Variants in HMCN1 observed in about 807,000 individuals in gnomAD.
HMCN1 encodes the protein hemicentin 1.
In HMCN1, 321 loss-of-function variants were observed where a neutral mutation model predicts 625.9. The ratio of observed to expected loss-of-function variants is 0.51; its 90% CI spans 0.47 to 0.56. The LOEUF is 0.56. HMCN1 is among the 20% of genes least tolerant of loss of function. HMCN1 has a pLI of 0.00. For missense variants in HMCN1, 6,588 were observed against 6,887.3 expected (o/e 0.96, Z 1.54); for synonymous variants, 2,425 against 2,417.6 (o/e 1.00, Z -0.09).
At chr1:185,885,385 T>C (rs1664581592) in intron 4 of HMCN1, among the ~76,000 whole-genome samples, 1 of 151,994 alleles carries the variant, frequency 6.6e-6, no homozygotes, top group Non-Finnish European at 1.5e-5. Context: ...TTTATGTCCA[T>C]TGAGTGTTAT....
At chr1:185,768,198 A>G (rs1655994617) in intron 1 of HMCN1, among the ~76,000 whole-genome samples, 2 of 152,300 alleles carry the variant, frequency 1.3e-5, no homozygotes, top group South Asian at 2.1e-4. Flanking sequence ...AAAACTTACA[A>G]TTGGTATAAC....
intron 80 of HMCN1, among the ~76,000 whole-genome samples, chr1:186,121,567 C>T (rs1053684548): frequency 4.3e-4 from 66 of 151,990 alleles, no homozygotes; most frequent in African/African-American, 1.5e-3. Context: ...GATGATAGTG[C>T]CATGTTGGAA....
chr1:186,071,125 G>T (rs1658455840), intron 52 of HMCN1, among the ~76,000 whole-genome samples: 1 of 152,062 alleles, frequency 6.6e-6, no homozygotes, highest in Admixed American at 6.6e-5. Flanking sequence ...TTGTTATTTT[G>T]CAGTTTTACA....
rs769544682 is a variant in HMCN1, at chr1:186,001,615, C to G, written c.4222C>G (p.Gln1408Glu). 1.9e-6 allele frequency: 3 copies of G among 1,613,124 alleles called. No homozygotes were observed. The highest frequency in any genetic ancestry group is 2.5e-6 in the Non-Finnish European group (3 of 1,179,356). Reference sequence around the variant, plus strand: ...AAAGGTGACTGAAAGCAGCACTATTCAGACTGTGAACAATGGGAAGATACT... The same window carrying G: ...AAAGGTGACTGAAAGCAGCACTATTGAGACTGTGAACAATGGGAAGATACT... Reference protein sequence around the residue: ...NVQVTESSTIQTVNNGKILKL... With the variant: ...NVQVTESSTIETVNNGKILKL... Residue 1408 changes from glutamine to glutamate, a missense_variant, in exon 28 of 107, where the codon CAG (glutamine) becomes GAG (glutamate). Transcript: ENST00000271588.
chr1:185,938,527 G>A lies in HMCN1; in HGVS notation c.1828+4703G>A, dbSNP rs372762501. 6.6e-5 allele frequency among the ~76,000 whole-genome samples: 10 copies of A among 152,082 alleles called. No individual in the cohort carries two copies. The South Asian group carries it at 1.9e-3, about 29-fold the overall frequency. On this transcript the variant is annotated intron_variant, in intron 11 of 106. Transcript: ENST00000271588. ...TATCTTGGTGGGAAGCAGAAAACAA[G>A]TGAGGTCAGATAATTCATTTTCCTT...
In HMCN1 at chr1:186,152,744, T is replaced by A. The variant is rs1420095214; in HGVS notation, c.14897-6T>A. 5.0e-6 allele frequency: 8 copies of A among 1,613,620 alleles called. No homozygotes were observed. The highest frequency in any genetic ancestry group is 6.8e-6 in the Non-Finnish European group (8 of 1,179,670). ...GCTGTCAAAATGAATGTCTTGTAATTCCCAGGAGAAATCTTGCAGATGAGT... is the reference window on the plus strand; with the variant it reads ...GCTGTCAAAATGAATGTCTTGTAATACCCAGGAGAAATCTTGCAGATGAGT... On this transcript the variant is annotated splice_polypyrimidine_tract_variant and splice_region_variant and intron_variant, in intron 95 of 106. Transcript: ENST00000271588.
chr1:186,012,521 A>G (rs1385328757), intron 30 of HMCN1, among the ~76,000 whole-genome samples: 2 of 152,166 alleles, frequency 1.3e-5, no homozygotes, highest in African/African-American at 4.8e-5. Flanking sequence ...GTCTTAAAAA[A>G]AAATTTACTA....
intron 1 of HMCN1, among the ~76,000 whole-genome samples, chr1:185,781,485 A>G (rs904885084): frequency 3.9e-5 from 6 of 152,138 alleles, no homozygotes; most frequent in African/African-American, 1.4e-4. Context: ...GTGGGCATTT[A>G]GTGGTACGAA....
chr1:186,188,850 A>G (rs969785666), intron 106 of HMCN1, among the ~76,000 whole-genome samples: 1 of 152,162 alleles, frequency 6.6e-6, no homozygotes, highest in East Asian at 1.9e-4. Flanking sequence ...TAAAAATACT[A>G]TTACTGAAGA....
intron 1 of HMCN1, among the ~76,000 whole-genome samples, chr1:185,738,565 A>G (rs921483448): frequency 6.6e-6 from 1 of 152,186 alleles, no homozygotes; most frequent in Non-Finnish European, 1.5e-5. Flanking sequence ...TTAGTCCATG[A>G]TGGATATACC....
intron 78 of HMCN1, 72 bp downstream of exon 78, chr1:186,119,370 A>T (rs1661286870): frequency 1.9e-6 from 2 of 1,078,754 alleles, no homozygotes; most frequent in South Asian, 1.2e-5. Flanking sequence ...TTATTCTGAA[A>T]GGTGGTAGGT....
At chr1:186,122,012 A>G (rs977906512) in intron 80 of HMCN1, among the ~76,000 whole-genome samples, 2 of 152,236 alleles carry the variant, frequency 1.3e-5, no homozygotes, top group African/African-American at 4.8e-5. Context: ...GGTTTCAGCA[A>G]CACAGAGGTC....
rs1166988584 is a variant in HMCN1, at chr1:186,037,945, C to T, written c.5761C>T (p.Leu1921=). 3 of 1,607,214 alleles carry T rather than the reference C, an allele frequency of 1.9e-6. No homozygotes were observed. The East Asian group carries it at 6.7e-5, about 36-fold the overall frequency. The change falls in exon 37 of 107, where the codon CTG becomes TTG. Residue 1921 remains leucine, a synonymous_variant. Coordinates refer to ENST00000271588, the MANE Select transcript of HMCN1 (RefSeq NM_031935.3). ...IQLHVHEPPS[L]EDAGKMLNET... is the part of the protein sequence containing the mutation. ...TGGGCCTCTTGTAGAACCACCTAGT[C>T]TGGAAGATGCTGGAAAAATGCTGAA...
At chr1:186,169,566 T>C (rs1652092669) in intron 100 of HMCN1, among the ~76,000 whole-genome samples, 1 of 151,636 alleles carries the variant, frequency 6.6e-6, no homozygotes, top group Admixed American at 6.6e-5. Flanking sequence ...TTGACAAACC[T>C]GACACAAGCA....
At chr1:185,848,913 A>G (rs1661998846) in intron 2 of HMCN1, among the ~76,000 whole-genome samples, 1 of 152,146 alleles carries the variant, frequency 6.6e-6, no homozygotes, top group Non-Finnish European at 1.5e-5. Flanking sequence ...AGTCTAAACA[A>G]ATGCAGAAAA....
chr1:186,129,153 G>A (rs1325245066), intron 83 of HMCN1, among the ~76,000 whole-genome samples: 3 of 151,106 alleles, frequency 2.0e-5, no homozygotes, highest in African/African-American at 4.9e-5. Context: ...TAATGTAAAT[G>A]TACTTTTAAA....
Position 186,070,044 on chromosome 1 carries a change from C to T in HMCN1, c.7993+268C>T, listed in dbSNP as rs74136007. Reference sequence around the variant, plus strand: ...TCCTTAAGTTTCTCTGTTTTTCCTTCTGAATTACCCTCTGGGTTGAGATGT... The same window carrying T: ...TCCTTAAGTTTCTCTGTTTTTCCTTTTGAATTACCCTCTGGGTTGAGATGT... On this transcript the variant is annotated intron_variant, in intron 51 of 106. Coordinates refer to ENST00000271588, the MANE Select transcript of HMCN1 (RefSeq NM_031935.3). Among the ~76,000 whole-genome samples, 910 of 152,270 alleles carry T rather than the reference C, an allele frequency of 6.0e-3. 12 individuals carry two copies. The highest frequency in any genetic ancestry group is 0.02 in the African/African-American group (811 of 41,560).
intron 19 of HMCN1, 150 bp from the exon 20 acceptor site, chr1:185,987,282 C>G (rs995674958): frequency 2.9e-6 from 2 of 682,956 alleles, no homozygotes; most frequent in African/African-American, 3.5e-5. Flanking sequence ...CACTCCTTTA[C>G]AGAGATTATC....
chr1:185,838,585 G>A (rs778236139), intron 1 of HMCN1, among the ~76,000 whole-genome samples: 17 of 152,158 alleles, frequency 1.1e-4, no homozygotes, highest in Non-Finnish European at 2.4e-4. Flanking sequence ...GGTGGTGGGA[G>A]GTGGGAACAT....
Sources: allele counts gnomAD v4.1 joint callset (sites outside exome capture counted in the v4.1 genomes callset), GRCh38; gene constraint gnomAD v4.1.1; transcripts MANE v1.5; gene names NCBI Gene and HGNC (gene_info 2026-07-23, HGNC 2026-07-21).